The following TBXAS1 variants were observed in gnomAD, a reference collection of about 807,000 sequenced individuals.
TBXAS1 encodes thromboxane A synthase 1, also known as thromboxane-A synthase.
TBXAS1 carries 48 observed loss-of-function variants against 60.7 expected under a neutral mutation model. The ratio of observed to expected loss-of-function variants is 0.79; its 90% CI spans 0.63 to 1.01. TBXAS1 has a LOEUF of 1.01. Ranked by LOEUF, TBXAS1 falls within the 50% of genes least tolerant of loss-of-function variation. TBXAS1 has a pLI of 0.00. For missense variants in TBXAS1, 685 were observed against 686.3 expected (o/e 1.00, Z 0.02); for synonymous variants, 287 against 269.7 (o/e 1.06, Z -0.63).
At chr7:140,015,672 C>T (rs748998704) in intron 10 of TBXAS1, 51 bp from the exon 11 acceptor site, 5 of 1,607,324 alleles carry the variant, frequency 3.1e-6, no homozygotes, top group Non-Finnish European at 4.2e-6. Flanking sequence ...GCCCCAAGCT[C>T]TGCTCCTCAT....
At chr7:139,938,786 A>G (rs530185680) in intron 5 of TBXAS1, among the ~76,000 whole-genome samples, 2 of 152,344 alleles carry the variant, frequency 1.3e-5, no homozygotes, top group Admixed American at 1.3e-4. Context: ...AGAAATTGGT[A>G]AAGAGTATCT....
At chr7:139,921,024 C>T (rs748501080) in intron 4 of TBXAS1, among the ~76,000 whole-genome samples, 5 of 152,142 alleles carry the variant, frequency 3.3e-5, no homozygotes, top group Admixed American at 6.5e-5. Context: ...TGTTGATTTT[C>T]GTCTTGTTAG....
chr7:139,864,054 A>G (rs1164123890), intron 1 of TBXAS1, among the ~76,000 whole-genome samples: 2 of 152,228 alleles, frequency 1.3e-5, no homozygotes, highest in Admixed American at 6.5e-5. Context: ...TCCTTTTTGT[A>G]CTAGAGATTT....
At chr7:139,839,984 CAAAAA>C (rs563726492) in intron 1 of TBXAS1, among the ~76,000 whole-genome samples, 1 of 109,310 alleles carries the variant, frequency 9.1e-6, no homozygotes, top group African/African-American at 3.7e-5. Context: ...AACTCTGTCT[CAAAAA>C]AAAAAAAAAA....
At chr7:139,963,338 T>C (rs980138761) in intron 9 of TBXAS1, among the ~76,000 whole-genome samples, 1 of 152,258 alleles carries the variant, frequency 6.6e-6, no homozygotes, top group Non-Finnish European at 1.5e-5. Flanking sequence ...TCAAAATAAT[T>C]TTGAATCTTG....
At chr7:139,908,148 A>G (rs1328599554) in intron 3 of TBXAS1, among the ~76,000 whole-genome samples, 1 of 151,416 alleles carries the variant, frequency 6.6e-6, no homozygotes, top group Non-Finnish European at 1.5e-5. Flanking sequence ...TTTCAGGTTC[A>G]TAGAGTTCTG....
intron 9 of TBXAS1, among the ~76,000 whole-genome samples, chr7:140,003,560 A>T (rs1010581830): frequency 6.6e-6 from 1 of 152,248 alleles, no homozygotes; most frequent in Non-Finnish European, 1.5e-5. Context: ...AGAAAAGCCT[A>T]TCTAGGGAAA....
At chr7:139,936,125 C>A (rs1807748278) in intron 4 of TBXAS1, 66 bp from the exon 5 acceptor site, 2 of 1,466,226 alleles carry the variant, frequency 1.4e-6, no homozygotes, top group African/African-American at 1.4e-5. Context: ...TGTCATGGAC[C>A]TGTATTGCCA....
intron 1 of TBXAS1, among the ~76,000 whole-genome samples, chr7:139,841,907 C>G (rs1799476243): frequency 6.6e-6 from 1 of 152,100 alleles, no homozygotes; most frequent in African/African-American, 2.4e-5. Context: ...TAGATGTGGT[C>G]CTTTGAAAGC....
chr7:139,790,622 T>C (rs1797351947), intron 4 of TBXAS1, among the ~76,000 whole-genome samples: 2 of 152,186 alleles, frequency 1.3e-5, no homozygotes, highest in Non-Finnish European at 2.9e-5. Flanking sequence ...TCAAACTAAA[T>C]GAATGTACAT....
At chr7:139,780,427 A>G (rs915016198) in intron 1 of TBXAS1, among the ~76,000 whole-genome samples, 1 of 152,248 alleles carries the variant, frequency 6.6e-6, no homozygotes, top group Non-Finnish European at 1.5e-5. Context: ...GTAAGGACAG[A>G]AACCATGTTT....
At chr7:139,998,160 A>C (rs1443818913) in intron 9 of TBXAS1, among the ~76,000 whole-genome samples, 1 of 152,216 alleles carries the variant, frequency 6.6e-6, no homozygotes, top group Admixed American at 6.5e-5. Flanking sequence ...TTCAAGACAA[A>C]GAGGCAAAAG....
intron 4 of TBXAS1, among the ~76,000 whole-genome samples, chr7:139,922,931 G>A (rs1806589914): frequency 6.6e-6 from 1 of 152,198 alleles, no homozygotes; most frequent in Non-Finnish European, 1.5e-5. Context: ...ATATGTGTGA[G>A]TCTACTTCTG....
At chr7:139,857,832 G>C (rs1280270540) in intron 1 of TBXAS1, among the ~76,000 whole-genome samples, 1 of 151,556 alleles carries the variant, frequency 6.6e-6, no homozygotes, top group Non-Finnish European at 1.5e-5. Context: ...CTGGGCTCAA[G>C]TGATCCTCCT....
At position 140,018,890 on chromosome 7, in the gene TBXAS1, C is replaced by T. The variant is rs1815309641; in HGVS notation, c.1527+1057C>T. Among the ~76,000 whole-genome samples, 3 of 152,000 alleles carry T rather than the reference C, an allele frequency of 2.0e-5. No individual in the cohort carries two copies. In the South Asian group the frequency reaches 6.2e-4, roughly 32 times the overall value. On this transcript the variant is annotated intron_variant, in intron 12 of 12. Coordinates refer to ENST00000448866, the MANE Select transcript of TBXAS1 (RefSeq NM_001061.7). The stretch of plus-strand genomic sequence containing the variant: ...GATAAGCAGCCAGAGATGAGAGAAA[C>T]GGGGGTCCTCACCCAGATCCTGCCC...
intron 1 of TBXAS1, among the ~76,000 whole-genome samples, chr7:139,866,784 CAT>C (rs1801447864): frequency 6.6e-6 from 1 of 151,248 alleles, no homozygotes; most frequent in Non-Finnish European, 1.5e-5. Context: ...AAAGTAGAGA[CAT>C]AGGAAAAATA....
At chr7:139,790,083 T>C (rs758603495) in intron 4 of TBXAS1, among the ~76,000 whole-genome samples, 10 of 152,210 alleles carry the variant, frequency 6.6e-5, no homozygotes, top group African/African-American at 7.2e-5. Context: ...GTTTCTATGT[T>C]CCATTATTTC....
At chr7:139,883,893 A>T (rs1374475460) in intron 3 of TBXAS1, among the ~76,000 whole-genome samples, 2 of 152,238 alleles carry the variant, frequency 1.3e-5, no homozygotes, top group Non-Finnish European at 2.9e-5. Flanking sequence ...TATCTGTAAA[A>T]AATAAAACAT....
chr7:139,984,730 G>A (rs1396373835), intron 9 of TBXAS1, among the ~76,000 whole-genome samples: 2 of 116,576 alleles, frequency 1.7e-5, no homozygotes, highest in African/African-American at 6.6e-5. Flanking sequence ...GGAAAAGAAA[G>A]AAAGAAAGAA....
Sources: allele counts gnomAD v4.1 joint callset (sites outside exome capture counted in the v4.1 genomes callset), GRCh38; gene constraint gnomAD v4.1.1; transcripts MANE v1.5; gene names NCBI Gene and HGNC (gene_info 2026-07-23, HGNC 2026-07-21).